MS4A13: variants seen among roughly 807,000 people sequenced by gnomAD.
The protein encoded by MS4A13 is membrane spanning 4-domains A13, also known as membrane-spanning 4-domains subfamily A member 13.
MS4A13 carries 21 observed loss-of-function variants against 18.4 expected under a neutral mutation model. The ratio of observed to expected loss-of-function variants is 1.14; its 90% CI spans 0.81 to 1.64. The LOEUF (loss-of-function observed/expected upper bound fraction) is 1.64. MS4A13 is among the 40% of genes most tolerant of loss of function. The pLI, the probability that MS4A13 is intolerant of heterozygous loss-of-function variation, is 0.00. For missense variants in MS4A13, 173 were observed against 176.8 expected (o/e 0.98, Z 0.12); for synonymous variants, 62 against 57.2 (o/e 1.08, Z -0.38).
intron 6 of MS4A13, among the ~76,000 whole-genome samples, chr11:60,540,663 T>A (rs1197960040): frequency 6.6e-6 from 1 of 152,094 alleles, no homozygotes; most frequent in African/African-American, 2.4e-5. Flanking sequence ...AAGAACACAA[T>A]GGCCAGGCTT....
chr11:60,517,194 AC>A (rs1186668246), intron 2 of MS4A13, among the ~76,000 whole-genome samples: 1 of 151,930 alleles, frequency 6.6e-6, no homozygotes, highest in Non-Finnish European at 1.5e-5. Flanking sequence ...TAAAAAAAAA[AC>A]AAAACTTCTC....
chr11:60,516,198 T>A (rs1030537974), intron 2 of MS4A13, 114 bp downstream of exon 2: 9 of 152,028 alleles, frequency 5.9e-5, no homozygotes, highest in African/African-American at 2.2e-4. Context: ...GGTAAAAGTT[T>A]TTTTTTTTTC....
chr11:60,516,883 T>G (rs542853331), intron 2 of MS4A13, among the ~76,000 whole-genome samples: 14 of 152,182 alleles, frequency 9.2e-5, no homozygotes, highest in Admixed American at 3.3e-4. Flanking sequence ...GCTCACTTAC[T>G]TTTTTAACAG....
intron 6 of MS4A13, among the ~76,000 whole-genome samples, chr11:60,538,155 T>C (rs985382862): frequency 2.2e-5 from 3 of 135,054 alleles, no homozygotes; most frequent in Non-Finnish European, 4.6e-5. Flanking sequence ...TGTGCACATG[T>C]ACCCTAAAAC....
intron 6 of MS4A13, among the ~76,000 whole-genome samples, chr11:60,532,836 G>C (rs1243942438): frequency 1.2e-5 from 1 of 86,256 alleles, no homozygotes; most frequent in Non-Finnish European, 2.3e-5. Context: ...AGAACGGGCA[G>C]ACTGCCTCCT....
intron 6 of MS4A13, among the ~76,000 whole-genome samples, chr11:60,539,189 C>T (rs1433832069): frequency 7.6e-6 from 1 of 131,402 alleles, no homozygotes; most frequent in Non-Finnish European, 1.6e-5. Context: ...AGTGTTGTTT[C>T]AAAAAAAAAA....
intron 6 of MS4A13, among the ~76,000 whole-genome samples, chr11:60,538,603 G>T (rs1252081723): frequency 6.6e-6 from 1 of 151,766 alleles, no homozygotes; most frequent in Non-Finnish European, 1.5e-5. Flanking sequence ...AAAATTGCAG[G>T]GACAGTACAG....
At chr11:60,526,371 G>A (rs1407487848) in intron 5 of MS4A13, among the ~76,000 whole-genome samples, 1 of 152,198 alleles carries the variant, frequency 6.6e-6, no homozygotes, top group Non-Finnish European at 1.5e-5. Flanking sequence ...GTTATTAAGT[G>A]CATAATTGTT....
intron 6 of MS4A13, 45 bp downstream of exon 6, chr11:60,529,505 C>G (rs750213193): frequency 1.9e-6 from 2 of 1,058,568 alleles, no homozygotes; most frequent in Non-Finnish European, 1.4e-6. Context: ...ATGTTGATTT[C>G]TAGTAACTAC....
rs10667098 is a variant in MS4A13, at chr11:60,529,255, C to CTTTT, written c.307-93_307-90dup. ...GGTTTATCTGTTCTTATTTTCCTTC[C>CTTTT]TTTTTTTTTTTTTTTTTTTTGACTC... On this transcript the variant is annotated intron_variant, in intron 5 of 6. Coordinates refer to ENST00000378186, the MANE Select transcript of MS4A13 (RefSeq NM_001012417.3). 1.3e-3 allele frequency: 227 copies of CTTTT among 172,230 alleles called. 12 individuals are homozygous for CTTTT. Among genetic ancestry groups the CTTTT allele is most frequent in the Middle Eastern group, 2.3e-3 (1 of 434 alleles). The allele number at this position is 172,230 out of a possible 1,614,324, so 10.7% of individuals were successfully genotyped here.
At chr11:60,524,376 T>C (rs2086698257) in intron 4 of MS4A13, among the ~76,000 whole-genome samples, 1 of 152,122 alleles carries the variant, frequency 6.6e-6, no homozygotes, top group Non-Finnish European at 1.5e-5. Flanking sequence ...CCATGCATGG[T>C]ATAGGTGGAT....
At chr11:60,532,442 C>A (rs547748294) in intron 6 of MS4A13, among the ~76,000 whole-genome samples, 1 of 152,152 alleles carries the variant, frequency 6.6e-6, no homozygotes, top group African/African-American at 2.4e-5. Flanking sequence ...TCACTCCCAC[C>A]CGAATATTGC....
chr11:60,520,611 T>C (rs1461460788), intron 3 of MS4A13, among the ~76,000 whole-genome samples: 1 of 152,252 alleles, frequency 6.6e-6, no homozygotes, highest in African/African-American at 2.4e-5. Flanking sequence ...ATCCAGGTTA[T>C]GCTGATGCAA....
At chr11:60,538,684 A>C (rs2135271691) in intron 6 of MS4A13, among the ~76,000 whole-genome samples, 1 of 151,008 alleles carries the variant, frequency 6.6e-6, no homozygotes, top group South Asian at 2.1e-4. Flanking sequence ...TGAGAGGCAG[A>C]ATTTTAAGAT....
chr11:60,524,930 G>A (rs987792311), intron 4 of MS4A13, among the ~76,000 whole-genome samples: 5 of 152,096 alleles, frequency 3.3e-5, no homozygotes, highest in African/African-American at 9.7e-5. Context: ...AAAGTGCTGG[G>A]ATTACAGGCG....
At position 60,525,206 on chromosome 11, in the gene MS4A13, G is replaced by A; in HGVS notation, c.187-1G>A. The A allele has an allele frequency of 1.3e-6, 2 of 1,559,812 alleles. No homozygotes were observed. Among genetic ancestry groups the A allele is most frequent in the East Asian group, 4.5e-5 (2 of 44,176 alleles). On this transcript the variant is annotated splice_acceptor_variant, in intron 4 of 6. Coordinates refer to ENST00000378186, the MANE Select transcript of MS4A13 (RefSeq NM_001012417.3). LOFTEE classifies it high-confidence loss of function. ...AAATTTGCCCTCTGTCTCCTTTTCA[G>A]ATTATAAGTACTTTAATCATAAACA...
At chr11:60,539,824 A>G (rs1003069401) in intron 6 of MS4A13, among the ~76,000 whole-genome samples, 2 of 152,194 alleles carry the variant, frequency 1.3e-5, no homozygotes, top group African/African-American at 2.4e-5. Flanking sequence ...GTGCAGGGGG[A>G]AAAACAGTCA....
chr11:60,540,954 C>T (rs1428832659), intron 6 of MS4A13, among the ~76,000 whole-genome samples: 2 of 89,702 alleles, frequency 2.2e-5, no homozygotes, highest in Admixed American at 1.1e-4. Flanking sequence ...AACCCTATCT[C>T]ACAAAAAAAA....
At position 60,538,086 on chromosome 11, in the gene MS4A13, G is replaced by A. The variant is rs1276617573; in HGVS notation, c.403-4433G>A. 2.0e-5 allele frequency among the ~76,000 whole-genome samples: 3 copies of A among 149,834 alleles called. 1 individual carries two copies. Among genetic ancestry groups the A allele is most frequent in the Middle Eastern group, 6.4e-3 (2 of 314 alleles). On this transcript the variant is annotated intron_variant, in intron 6 of 6. Transcript: ENST00000378186. ...AGATATACCTAATGCTGGATGACAC[G>A]TTGGTGGGTGCAGCGCACCAGCATG...
Sources: gnomAD v4.1 joint callset for allele counts (sites outside exome capture counted in the v4.1 genomes callset) on GRCh38, gnomAD v4.1.1 for gene constraint, MANE v1.5 for transcripts, NCBI Gene and HGNC (gene_info 2026-07-23, HGNC 2026-07-21) for gene names.